Variants in TTC39B observed in about 807,000 individuals in gnomAD.
TTC39B encodes tetratricopeptide repeat domain 39B.
In TTC39B, 92 loss-of-function variants were observed where a neutral mutation model predicts 96.6. The ratio of observed to expected loss-of-function variants is 0.95; its 90% CI spans 0.80 to 1.13. TTC39B has a LOEUF of 1.13. Among genes scored for constraint, TTC39B ranks in the 50% most tolerant of loss-of-function variants. The pLI, the probability that TTC39B is intolerant of heterozygous loss-of-function variation, is 0.00. For missense variants in TTC39B, 955 were observed against 809.3 expected (o/e 1.18, Z -2.18); for synonymous variants, 367 against 299.4 (o/e 1.23, Z -2.33).
rs191719400 is a variant in TTC39B, at chr9:15,222,896, T to C, written c.371+3021A>G. On this transcript the variant is annotated intron_variant, in intron 3 of 19. Coordinates refer to ENST00000512701, the Ensembl canonical transcript of TTC39B. ...TTCCTATGGAAAAATACATATTTGA[T>C]GAGCCAACAACAGGTCTCCCACCTC... is the stretch of plus-strand genomic sequence containing the variant. Among the ~76,000 whole-genome samples, 163 of 152,342 alleles carry C rather than the reference T, an allele frequency of 1.1e-3. 1 individual carries two copies. The highest frequency in any genetic ancestry group is 3.7e-3 in the African/African-American group (155 of 41,590).
intron 17 of TTC39B, among the ~76,000 whole-genome samples, chr9:15,179,220 T>C (rs563556858): frequency 9.8e-5 from 15 of 152,340 alleles, no homozygotes; most frequent in African/African-American, 3.6e-4. Context: ...AGTACAACGT[T>C]ATTCCAAGAC....
chr9:15,272,183 C>T (rs970237373), intron 1 of TTC39B, among the ~76,000 whole-genome samples: 5 of 152,160 alleles, frequency 3.3e-5, no homozygotes, highest in Non-Finnish European at 5.9e-5. Context: ...CCATCAGGGC[C>T]CCTAGGTTTG....
intron 1 of TTC39B, among the ~76,000 whole-genome samples, chr9:15,288,404 T>C (rs895639288): frequency 1.3e-5 from 2 of 152,138 alleles, no homozygotes; most frequent in Non-Finnish European, 2.9e-5. Context: ...AGCAGAAGAA[T>C]GGCAGAATGG....
intron 8 of TTC39B, among the ~76,000 whole-genome samples, chr9:15,194,611 T>C (rs1394086977): frequency 6.6e-6 from 1 of 152,222 alleles, no homozygotes. Flanking sequence ...AACTCTGTGT[T>C]GAGCAAGTCT....
At chr9:15,194,729 T>C (rs1819056723) in intron 8 of TTC39B, among the ~76,000 whole-genome samples, 1 of 152,240 alleles carries the variant, frequency 6.6e-6, no homozygotes, top group South Asian at 2.1e-4. Flanking sequence ...TATCTGTTAA[T>C]GGTGACCTGT....
intron 1 of TTC39B, among the ~76,000 whole-genome samples, chr9:15,302,530 A>G (rs1295387038): frequency 1.0e-5 from 1 of 95,442 alleles, no homozygotes; most frequent in Non-Finnish European, 1.9e-5. Context: ...ACAAAGCGAG[A>G]TTCCGTCTCA....
chr9:15,213,237 G>A (rs1488017825), intron 4 of TTC39B, among the ~76,000 whole-genome samples: 1 of 152,116 alleles, frequency 6.6e-6, no homozygotes, highest in East Asian at 1.9e-4. Flanking sequence ...GAGGGACAGA[G>A]GAGGACAGAA....
At chr9:15,245,684 C>T (rs1037211198) in intron 2 of TTC39B, among the ~76,000 whole-genome samples, 7 of 152,250 alleles carry the variant, frequency 4.6e-5, no homozygotes, top group Non-Finnish European at 7.4e-5. Flanking sequence ...TCATACTTTC[C>T]TGCTTTCTAA....
intron 2 of TTC39B, chr9:15,250,119 T>C (rs904367200): frequency 4.6e-5 from 57 of 1,244,484 alleles, no homozygotes; most frequent in Non-Finnish European, 5.7e-5. Context: ...AGCAAAGTAG[T>C]TGCCGAGGCA....
intron 3 of TTC39B, among the ~76,000 whole-genome samples, chr9:15,215,075 G>A (rs975651328): frequency 1.3e-5 from 2 of 152,016 alleles, no homozygotes; most frequent in African/African-American, 4.8e-5. Context: ...GCAACAGAGT[G>A]AGCACTCGTC....
intron 1 of TTC39B, among the ~76,000 whole-genome samples, chr9:15,298,802 T>C (rs16932962): frequency 0.16 from 24,228 of 152,062 alleles, 3,501 homozygotes; most frequent in African/African-American, 0.39. Flanking sequence ...CAAAGTACCC[T>C]TCCAGCCTTG....
chr9:15,237,656 A>G (rs922999647), intron 2 of TTC39B, among the ~76,000 whole-genome samples: 4 of 41,922 alleles, frequency 9.5e-5, no homozygotes, highest in Non-Finnish European at 1.3e-4. Context: ...AATCTTCTGG[A>G]AAAAAAAAAA....
chr9:15,193,018 C>T (rs995841101), intron 8 of TTC39B, among the ~76,000 whole-genome samples: 3 of 152,200 alleles, frequency 2.0e-5, no homozygotes, highest in African/African-American at 7.2e-5. Context: ...CATATCACAG[C>T]GGACTCCCTG....
rs193035720 is a variant in TTC39B, at chr9:15,238,756, C to A, written c.276-12744G>T. On this transcript the variant is annotated intron_variant, in intron 2 of 19. Coordinates refer to ENST00000512701, the Ensembl canonical transcript of TTC39B. ...ATCCCAGCACTTTTGGAGGCTGAGA[C>A]GGGCTGATCACTTGAGCTCAGAAGT... Among the ~76,000 whole-genome samples, 13 of 152,188 alleles carry A rather than the reference C, an allele frequency of 8.5e-5. No homozygotes were observed. The East Asian group carries it at 2.5e-3, about 29-fold the overall frequency.
chr9:15,199,652 G>A (rs1457913043), intron 8 of TTC39B, among the ~76,000 whole-genome samples: 2 of 139,486 alleles, frequency 1.4e-5, no homozygotes, highest in African/African-American at 5.2e-5. Flanking sequence ...GGAGAATGGC[G>A]TGAACCTGAG....
exon 16 of TTC39B, chr9:15,185,377 G>A (rs1818465048): frequency 6.2e-7 from 1 of 1,613,714 alleles, no homozygotes; most frequent in Non-Finnish European, 8.5e-7. Context: ...AGATTTCCCG[G>A]CAATTCTCTG....
At chr9:15,206,152 T>C (rs777869242) in intron 6 of TTC39B, among the ~76,000 whole-genome samples, 1 of 152,200 alleles carries the variant, frequency 6.6e-6, no homozygotes, top group Non-Finnish European at 1.5e-5. Context: ...AATAAGTATC[T>C]GTCATATTAA....
Position 15,228,200 on chromosome 9 carries a change from A to T in TTC39B, c.276-2188T>A, listed in dbSNP as rs570337663. Among the ~76,000 whole-genome samples, 350 of 152,286 alleles carry T rather than the reference A, an allele frequency of 2.3e-3. 2 individuals carry two copies. The highest frequency in any genetic ancestry group is 8.1e-3 in the African/African-American group (336 of 41,562). On this transcript the variant is annotated intron_variant, in intron 2 of 19. Transcript: ENST00000512701. ...TAATTGGGACTGGGCACGCTGGCTC[A>T]TGCCTGTAATCCCAGCACTTTGGGA...
chr9:15,170,610 C>T lies in TTC39B; in HGVS notation c.*1409G>A, dbSNP rs577515222. 5 of 152,254 alleles carry T rather than the reference C, an allele frequency of 3.3e-5. No individual in the cohort carries two copies. The East Asian group carries it at 5.8e-4, about 18-fold the overall frequency. 9.4% of individuals were successfully genotyped at this position (152,254 alleles called of 1,614,324 possible). A position where few individuals can be genotyped will look rare whatever the true frequency, so the allele number is the denominator to read the frequency against. The stretch of plus-strand genomic sequence containing the variant: ...CCCTGAAAAGCTGAGCTACGTACTC[C>T]GTGTCATGGAACTATTAACCCACAG... On this transcript the variant is annotated 3_prime_UTR_variant, in exon 20 of 20. Coordinates refer to ENST00000512701, the Ensembl canonical transcript of TTC39B.
Sources: allele counts gnomAD v4.1 joint callset (sites outside exome capture counted in the v4.1 genomes callset), GRCh38; gene constraint gnomAD v4.1.1; transcripts MANE v1.5; gene names NCBI Gene and HGNC (gene_info 2026-07-23, HGNC 2026-07-21).